The following DIAPH2 variants were observed in gnomAD, a reference collection of about 807,000 sequenced individuals.
DIAPH2 encodes the protein diaphanous related formin 2, also known as protein diaphanous homolog 2.
A neutral mutation model predicts 92.7 loss-of-function variants in DIAPH2; 35 were observed. That is an observed-to-expected ratio of 0.38 (90% confidence interval 0.29 to 0.50). The LOEUF is 0.50. DIAPH2 is among the 20% of genes least tolerant of loss of function. DIAPH2 has a pLI of 0.94. For missense variants in DIAPH2, 701 were observed against 819.5 expected (o/e 0.86, Z 1.77); for synonymous variants, 301 against 280.4 (o/e 1.07, Z -0.73).
At chrX:97,332,243 G>C (rs2069008178) in intron 23 of DIAPH2, among the ~76,000 whole-genome samples, 1 of 111,806 alleles carries the variant, frequency 8.9e-6, no homozygotes, top group South Asian at 3.7e-4. Flanking sequence ...AAGGAACCTT[G>C]CAGAATTTCT....
At chrX:96,857,296 A>G (rs1302865795) in intron 4 of DIAPH2, among the ~76,000 whole-genome samples, 1 of 111,776 alleles carries the variant, frequency 8.9e-6, no homozygotes, top group Non-Finnish European at 1.9e-5. Flanking sequence ...CTGCAAGTTT[A>G]TTTTCACTTT....
intron 4 of DIAPH2, among the ~76,000 whole-genome samples, chrX:96,875,476 T>C (rs1365164811): frequency 8.9e-6 from 1 of 112,011 alleles, no homozygotes; most frequent in Non-Finnish European, 1.9e-5. Context: ...TTAAATTTTT[T>C]TGGGAAAAAT....
At chrX:96,859,279 A>G (rs1327119061) in intron 4 of DIAPH2, among the ~76,000 whole-genome samples, 1 of 110,701 alleles carries the variant, frequency 9.0e-6, no homozygotes, top group Admixed American at 9.8e-5. Flanking sequence ...GAAAGCGACT[A>G]GAATAAATAC....
intron 24 of DIAPH2, among the ~76,000 whole-genome samples, chrX:97,349,009 T>C (rs2069183999): frequency 9.3e-6 from 1 of 108,019 alleles, no homozygotes; most frequent in African/African-American, 3.4e-5. Flanking sequence ...TATATGTGTG[T>C]GTATATATAT....
chrX:97,009,206 C>T (rs771223871), intron 17 of DIAPH2, among the ~76,000 whole-genome samples: 2 of 111,072 alleles, frequency 1.8e-5, no homozygotes, highest in Non-Finnish European at 3.8e-5. Context: ...TGGCCATCAC[C>T]ACCCCAGGCC....
chrX:96,756,911 CTTTTTT>C (rs1172916942), intron 3 of DIAPH2, among the ~76,000 whole-genome samples: 2 of 58,787 alleles, frequency 3.4e-5, no homozygotes, highest in African/African-American at 1.4e-4. Context: ...ATTTATATAT[CTTTTTT>C]TTTTTTTTTT....
At chrX:97,295,191 C>G (rs955492765) in intron 23 of DIAPH2, among the ~76,000 whole-genome samples, 5 of 111,727 alleles carry the variant, frequency 4.5e-5, no homozygotes, top group African/African-American at 1.6e-4. Flanking sequence ...TTTCTTGATA[C>G]CACTCTCTCT....
At chrX:97,505,536 A>AT (rs762761386) in intron 26 of DIAPH2, among the ~76,000 whole-genome samples, 225 of 111,872 alleles carry the variant, frequency 2.0e-3, no homozygotes, top group African/African-American at 6.8e-3. Flanking sequence ...GCCTCATCAC[A>AT]TTTTGAATCC....
intron 23 of DIAPH2, among the ~76,000 whole-genome samples, chrX:97,345,807 T>C (rs183554193): frequency 2.2e-3 from 248 of 111,645 alleles, no homozygotes; most frequent in Non-Finnish European, 2.3e-3. Flanking sequence ...TTCTTATCTA[T>C]GACAATCAAA....
chrX:96,711,874 G>T (rs2063920489), intron 1 of DIAPH2, among the ~76,000 whole-genome samples: 1 of 110,783 alleles, frequency 9.0e-6, no homozygotes, highest in African/African-American at 3.3e-5. Flanking sequence ...AGAATTTTCT[G>T]TTCTTGCACA....
intron 26 of DIAPH2, among the ~76,000 whole-genome samples, chrX:97,479,712 T>G (rs5967315): frequency 0.39 from 43,084 of 110,221 alleles, 6,064 homozygotes; most frequent in East Asian, 0.57. Context: ...CTGTGAAACC[T>G]CAAGGCTGTA....
chrX:97,579,930 A>G (rs2071426719), intron 26 of DIAPH2, among the ~76,000 whole-genome samples: 1 of 109,551 alleles, frequency 9.1e-6, no homozygotes, highest in African/African-American at 3.3e-5. Flanking sequence ...CTTTGAGGCA[A>G]TTGTGAATGG....
At chrX:97,019,043 C>T in intron 17 of DIAPH2, among the ~76,000 whole-genome samples, 1 of 111,770 alleles carries the variant, frequency 8.9e-6, no homozygotes, top group Non-Finnish European at 1.9e-5. Context: ...TCCATGTCTT[C>T]CAATGGCTTG....
At chrX:97,520,130 A>G (rs1202556278) in intron 26 of DIAPH2, among the ~76,000 whole-genome samples, 4 of 112,457 alleles carry the variant, frequency 3.6e-5, no homozygotes, top group Non-Finnish European at 7.5e-5. Context: ...CAAGAATGTT[A>G]TTTCATTTTA....
At chrX:97,235,351 A>T (rs983026307) in intron 22 of DIAPH2, among the ~76,000 whole-genome samples, 27 of 111,614 alleles carry the variant, frequency 2.4e-4, no homozygotes, top group Admixed American at 2.1e-3. Flanking sequence ...CATGCCTGTA[A>T]TCCCAACACT....
chrX:96,810,419 C>T (rs2064668532), intron 4 of DIAPH2, among the ~76,000 whole-genome samples: 1 of 102,642 alleles, frequency 9.7e-6, no homozygotes. Context: ...TGGATATTAA[C>T]CCTTTGTCAG....
At chrX:97,309,402 A>G (rs542694120) in intron 23 of DIAPH2, among the ~76,000 whole-genome samples, 1 of 111,435 alleles carries the variant, frequency 9.0e-6, no homozygotes, top group Non-Finnish European at 1.9e-5. Context: ...CGCCCGGCCA[A>G]TTTTACATTT....
intron 1 of DIAPH2, among the ~76,000 whole-genome samples, chrX:96,733,463 T>C (rs770718717): frequency 1.8e-5 from 2 of 110,852 alleles, no homozygotes; most frequent in African/African-American, 6.6e-5. Context: ...TGACTGGAGC[T>C]GGGGGAATGA....
At chrX:97,084,619 C>A (rs2066770689) in intron 19 of DIAPH2, among the ~76,000 whole-genome samples, 1 of 111,383 alleles carries the variant, frequency 9.0e-6, no homozygotes, top group Admixed American at 9.5e-5. Context: ...AGAAACCTCA[C>A]TTTAACCCCT....
Sources: gnomAD v4.1 joint callset for allele counts (sites outside exome capture counted in the v4.1 genomes callset) on GRCh38, gnomAD v4.1.1 for gene constraint, MANE v1.5 for transcripts, NCBI Gene and HGNC (gene_info 2026-07-23, HGNC 2026-07-21) for gene names.